Variants in PPP1R12C observed in about 807,000 individuals in gnomAD.
PPP1R12C encodes the protein protein phosphatase 1 regulatory subunit 12C, also known as leukocyte receptor cluster (LRC) encoded novel gene 3.
A neutral mutation model predicts 95.6 loss-of-function variants in PPP1R12C; 48 were observed. The observed-to-expected ratio is 0.50, with a 90% confidence interval of 0.40 to 0.64. PPP1R12C has a LOEUF of 0.64. PPP1R12C is among the 30% of genes least tolerant of loss of function. The pLI is 0.00. For synonymous variants in PPP1R12C, 480 were observed against 460.8 expected, an observed-to-expected ratio of 1.04 and a Z score of -0.53; for missense variants, 1,057 against 1,083.3, an observed-to-expected ratio of 0.98 and a Z score of 0.34.
chr19:55,115,906 T>G (rs1015311172), intron 1 of PPP1R12C, among the ~76,000 whole-genome samples: 2 of 151,916 alleles, frequency 1.3e-5, no homozygotes, highest in African/African-American at 4.8e-5. Context: ...GAAGTGGACA[T>G]AGGGGCCCGG....
At position 55,092,634 on chromosome 19, in the gene PPP1R12C, C is replaced by G. The variant is rs777628046; in HGVS notation, c.1940G>C (p.Ser647Thr). The G allele has an allele frequency of 6.5e-7, 1 of 1,534,698 alleles. No individual in the cohort carries two copies. The highest frequency in any genetic ancestry group is 8.7e-7 in the Non-Finnish European group (1 of 1,143,608). ...EGEEAEPADRSQESSTLEGGP... is the reference protein window; with the variant it reads ...EGEEAEPADRTQESSTLEGGP... ...ACCCCGCCCCTACCTGGACTCCTGG[C>G]TGCGGTCAGCCGGCTCCGCCTCCTC... is the stretch of plus-strand genomic sequence containing the variant. Residue 647 changes from serine to threonine, a missense_variant, in exon 17 of 22, where the codon AGC (serine) becomes ACC (threonine). Transcript: ENST00000263433.
chr19:55,091,736 G>A (rs755917349), intron 20 of PPP1R12C, 36 bp from the exon 21 acceptor site: 1 of 1,613,460 alleles, frequency 6.2e-7, no homozygotes, highest in Non-Finnish European at 8.5e-7. Context: ...AACTGAGTGA[G>A]GCTGAGGAGG....
At chr19:55,099,243 G>A (rs566541599) in intron 4 of PPP1R12C, 148 bp from the exon 5 acceptor site, 21 of 919,644 alleles carry the variant, frequency 2.3e-5, no homozygotes, top group Admixed American at 3.2e-5. Flanking sequence ...CCCAGCATCC[G>A]CTGCCACAAG....
Position 55,095,288 on chromosome 19 carries a change from C to T in PPP1R12C, c.1454+3G>A, listed in dbSNP as rs1461154519. The T allele has an allele frequency of 1.3e-6, 2 of 1,570,844 alleles. No homozygotes were observed. Among genetic ancestry groups the T allele is most frequent in the South Asian group, 2.3e-5 (2 of 85,364 alleles). ...CTGAGGGGCCCAGGCCCTGGGGACT[C>T]ACAGGACAGAGGGCTCCGGCAGCTT... On this transcript the variant is annotated splice_donor_region_variant and intron_variant, in intron 11 of 21. Coordinates refer to ENST00000263433, the MANE Select transcript of PPP1R12C (RefSeq NM_017607.4).
In PPP1R12C at chr19:55,095,467, C is replaced by T. The variant is rs772602704; in HGVS notation, c.1364G>A (p.Trp455Ter). 1 of 1,563,856 alleles carries T rather than the reference C, an allele frequency of 6.4e-7. No individual in the cohort carries two copies. Among genetic ancestry groups the T allele is most frequent in the South Asian group, 1.2e-5 (1 of 85,110 alleles). The change falls in exon 10 of 22, where the codon TGG (tryptophan) becomes TAG (stop). Residue 455 changes from tryptophan to a stop codon, truncating the protein, a stop_gained. Transcript: ENST00000263433. LOFTEE classifies it high-confidence loss of function. ...AGLQRSASSS[W>*]LEGTSTQAKE... The stretch of plus-strand genomic sequence containing the variant: ...CACCTGAGTGGAGGTCCCTTCCAGC[C>T]AGGAGGAGGAAGCCGAGCGCTGCAG...
At chr19:55,106,314 T>C (rs1365444974) in intron 3 of PPP1R12C, among the ~76,000 whole-genome samples, 1 of 152,242 alleles carries the variant, frequency 6.6e-6, no homozygotes, top group Non-Finnish European at 1.5e-5. Context: ...CATCTGCCCA[T>C]GGTTGGGAAG....
In PPP1R12C at chr19:55,095,923, G is replaced by A; in HGVS notation, c.1171C>T (p.Pro391Ser). Reference sequence around the variant, plus strand: ...GAGGAGACGCCATTGAGGGTTCTGGGTTCTGCAGGGGGTGGTTCTGTGATG... The same window carrying A: ...GAGGAGACGCCATTGAGGGTTCTGGATTCTGCAGGGGGTGGTTCTGTGATG... ...EGPTEPPPAE[P>S]RTLNGVSSPP... The change falls in exon 9 of 22, where the codon CCC (proline) becomes TCC (serine). Residue 391 changes from proline (P) to serine (S), a missense_variant. This residue lies in a region of PPP1R12C where 356 missense variants were observed against 330.5 expected (regional missense o/e 1.08). Coordinates refer to ENST00000263433, the MANE Select transcript of PPP1R12C (RefSeq NM_017607.4). 6.2e-7 allele frequency: 1 copy of A among 1,613,284 alleles called. No individual in the cohort carries two copies. Among genetic ancestry groups the A allele is most frequent in the Non-Finnish European group, 8.5e-7 (1 of 1,179,926 alleles).
At chr19:55,116,555 C>T (rs1031332158) in intron 1 of PPP1R12C, among the ~76,000 whole-genome samples, 1 of 152,138 alleles carries the variant, frequency 6.6e-6, no homozygotes, top group Admixed American at 6.5e-5. Flanking sequence ...GGAGAGAATG[C>T]AGGTCAGAGA....
chr19:55,099,568 C>A (rs532166525), intron 4 of PPP1R12C, among the ~76,000 whole-genome samples: 8 of 152,212 alleles, frequency 5.3e-5, no homozygotes, highest in Admixed American at 1.3e-4. Context: ...CCAGGGGAGA[C>A]CCGGCAGGTC....
In PPP1R12C at chr19:55,102,597, G is replaced by A. The variant is rs542610632; in HGVS notation, c.731+812C>T. ...ATTGTAACTGACAGAACTATAAGAA[G>A]AAACAAAGTCCATAATCACAGCAAG... On this transcript the variant is annotated intron_variant, in intron 4 of 21. Coordinates refer to ENST00000263433, the MANE Select transcript of PPP1R12C (RefSeq NM_017607.4). Among the ~76,000 whole-genome samples the A allele has an allele frequency of 2.6e-5, 4 of 152,266 alleles. No homozygotes were observed. In the East Asian group the frequency reaches 7.7e-4, roughly 29 times the overall value.
At chr19:55,099,257 C>T (rs1190603241) in intron 4 of PPP1R12C, among the ~76,000 whole-genome samples, 162 bp from the exon 5 acceptor site, 3 of 152,236 alleles carry the variant, frequency 2.0e-5, no homozygotes, top group Non-Finnish European at 4.4e-5. Flanking sequence ...CCACAAGAGG[C>T]CCCTCTGCAC....
At chr19:55,096,367 G>A in intron 6 of PPP1R12C, 32 bp from the exon 7 acceptor site, 1 of 1,606,690 alleles carries the variant, frequency 6.2e-7, no homozygotes, top group South Asian at 1.1e-5. Flanking sequence ...GCAGGGGAGG[G>A]GTGGAGCACA....
chr19:55,112,447 C>T lies in PPP1R12C; in HGVS notation c.571+20G>A, dbSNP rs371927757. The T allele has an allele frequency of 2.5e-6, 4 of 1,602,270 alleles. No homozygotes were observed. Among genetic ancestry groups the T allele is most frequent in the Non-Finnish European group, 3.4e-6 (4 of 1,175,308 alleles). On this transcript the variant is annotated intron_variant, in intron 3 of 21. Coordinates refer to ENST00000263433, the MANE Select transcript of PPP1R12C (RefSeq NM_017607.4). ...GTGAGGAGGTGTCCCCCACCCCACACACAGCACACCAGAGCCCACCTCGGC... is the reference window on the plus strand; with the variant it reads ...GTGAGGAGGTGTCCCCCACCCCACATACAGCACACCAGAGCCCACCTCGGC...
chr19:55,092,574 G>GCCGGC, intron 17 of PPP1R12C, 30 bp from the exon 18 acceptor site: 1 of 1,569,904 alleles, frequency 6.4e-7, no homozygotes, highest in South Asian at 1.2e-5. Flanking sequence ...CGCGTCAGGG[G>GCCGGC]CCGGCCCGGC....
At chr19:55,114,627 C>T (rs555262149) in intron 1 of PPP1R12C, 22 of 152,386 alleles carry the variant, frequency 1.4e-4, no homozygotes, top group Non-Finnish European at 3.1e-4. Flanking sequence ...CACCCCACAC[C>T]CAGACCTGAC....
At chr19:55,111,520 G>C (rs956567191) in intron 3 of PPP1R12C, 1 of 152,206 alleles carries the variant, frequency 6.6e-6, no homozygotes, top group African/African-American at 2.4e-5. Context: ...CCAAAGAGGG[G>C]CTCCCGAACC....
In PPP1R12C at chr19:55,109,638, C is replaced by A. The variant is rs749764925; in HGVS notation, c.571+2829G>T. Reference sequence around the variant, plus strand: ...GCGAAGGGGATGGTCGTGCCTGAGGCCGGTCTGTCTTCTCTCCCAGCCCTG... The same window carrying A: ...GCGAAGGGGATGGTCGTGCCTGAGGACGGTCTGTCTTCTCTCCCAGCCCTG... On this transcript the variant is annotated intron_variant, in intron 3 of 21. Coordinates refer to ENST00000263433, the MANE Select transcript of PPP1R12C (RefSeq NM_017607.4). The surrounding 1 kb of genome is among the most constrained non-coding windows in gnomAD (Gnocchi z 4.4). Among the ~76,000 whole-genome samples the A allele has an allele frequency of 2.0e-5, 3 of 152,268 alleles. No homozygotes were observed. The highest frequency in any genetic ancestry group is 4.4e-5 in the Non-Finnish European group (3 of 68,048).
Position 55,091,258 on chromosome 19 carries a change from C to A in PPP1R12C, c.*214G>T. ...GGCCCTGGTCCCCTCTGGCAACGTC[C>A]CCCTGCTTGGCTCGGCCTCCCACCT... is the stretch of plus-strand genomic sequence containing the variant. On this transcript the variant is annotated 3_prime_UTR_variant, in exon 22 of 22. Transcript: ENST00000263433. The A allele has an allele frequency of 1.7e-6, 1 of 594,362 alleles. No homozygotes were observed. The highest frequency in any genetic ancestry group is 3.0e-6 in the Non-Finnish European group (1 of 334,036). 36.8% of individuals were successfully genotyped at this position (594,362 alleles called of 1,614,324 possible). A position where few individuals can be genotyped will look rare whatever the true frequency, so the allele number is the denominator to read the frequency against.
Position 55,093,067 on chromosome 19 carries a change from G to C in PPP1R12C, c.1774C>G (p.Arg592Gly), listed in dbSNP as rs1168804316. The C allele has an allele frequency of 5.0e-6, 8 of 1,604,788 alleles. No individual in the cohort carries two copies. In the Middle Eastern group the frequency reaches 1.0e-3, roughly 200 times the overall value. The change falls in exon 15 of 22, where the codon CGA becomes GGA. Residue 592 changes from arginine to glycine, a missense_variant. Arg to Gly is a moderately radical substitution (Grantham distance 125). This residue lies in a region of PPP1R12C where 347 missense variants were observed against 307.9 expected (regional missense o/e 1.13). Transcript: ENST00000263433. ...EKPAQSLDPS[R>G]RPRVPGVENS... is the part of the protein sequence containing the mutation. ...TCCACTCCAGGGACGCGGGGCCTTC[G>C]GGAAGGGTCCTGTCGGGAGGGGGAG...
Sources: gnomAD v4.1 joint callset for allele counts (sites outside exome capture counted in the v4.1 genomes callset) on GRCh38, gnomAD v4.1.1 for gene constraint, gnomAD v4.1.1 regional missense constraint, Gnocchi (gnomAD v3.1) non-coding constraint, MANE v1.5 for transcripts, NCBI Gene and HGNC (gene_info 2026-07-23, HGNC 2026-07-21) for gene names.